Variants in ADAMTSL1 observed in about 807,000 individuals in gnomAD.
ADAMTSL1 encodes the protein ADAMTS like 1.
In ADAMTSL1, 126 loss-of-function variants were observed where a neutral mutation model predicts 201.8. The observed-to-expected ratio is 0.62, with a 90% CI of 0.54 to 0.72. The LOEUF (loss-of-function observed/expected upper bound fraction) is 0.72. Among genes scored for constraint, ADAMTSL1 ranks in the 30% least tolerant of loss-of-function variants. ADAMTSL1 has a pLI of 0.00. For missense variants in ADAMTSL1, 2,679 were observed against 2,277.8 expected (o/e 1.18, Z -3.59); for synonymous variants, 1,121 against 903.4 (o/e 1.24, Z -4.32).
rs1823914671 is a variant in ADAMTSL1, at chr9:18,817,172, T to C, written c.3869T>C (p.Val1290Ala). The change falls in exon 21 of 29, where the codon GTC (valine) becomes GCC (alanine). Residue 1290 changes from valine (V) to alanine (A), a missense_variant. Coordinates refer to ENST00000380548, the MANE Select transcript of ADAMTSL1 (RefSeq NM_001040272.6). ...VINTEKPAVTVDIGSTIKTVQ... is the reference protein window; with the variant it reads ...VINTEKPAVTADIGSTIKTVQ... ...AACACGGAGAAGCCTGCAGTCACAG[T>C]CGATATAGGAAGCACCATCAAAACA... 1 of 1,589,168 alleles carries C rather than the reference T, an allele frequency of 6.3e-7. No homozygotes were observed. The highest frequency in any genetic ancestry group is 8.6e-7 in the Non-Finnish European group (1 of 1,167,154).
intron 1 of ADAMTSL1, among the ~76,000 whole-genome samples, chr9:18,494,339 G>C (rs957926261): frequency 8.8e-5 from 13 of 147,200 alleles, no homozygotes; most frequent in African/African-American, 3.0e-4. Context: ...CTGGGTGACA[G>C]ACTGTCTCAA....
At position 18,747,217 on chromosome 9, in the gene ADAMTSL1, T is replaced by C. The variant is rs965234039; in HGVS notation, c.2007-6081T>C. ...TGCTGATTCTCTTGTTTACGAGCTG[T>C]GTGACTTTGGACAGGTTACCTAACC... On this transcript the variant is annotated intron_variant, in intron 15 of 28. Coordinates refer to ENST00000380548, the MANE Select transcript of ADAMTSL1 (RefSeq NM_001040272.6). Among the ~76,000 whole-genome samples, 29 of 152,236 alleles carry C rather than the reference T, an allele frequency of 1.9e-4. 1 individual carries two copies. Among genetic ancestry groups the C allele is most frequent in the South Asian group, 2.1e-4 (1 of 4,836 alleles).
At chr9:18,103,356 G>A (rs940609381) in intron 1 of ADAMTSL1, among the ~76,000 whole-genome samples, 44 of 152,200 alleles carry the variant, frequency 2.9e-4, no homozygotes, top group African/African-American at 9.6e-4. Flanking sequence ...GTTAGAATCA[G>A]GGTTAGATAC....
At chr9:18,822,066 T>G (rs908252392) in intron 21 of ADAMTSL1, among the ~76,000 whole-genome samples, 1 of 152,082 alleles carries the variant, frequency 6.6e-6, no homozygotes, top group Non-Finnish European at 1.5e-5. Flanking sequence ...CAGGGGAAAA[T>G]GCAAACGTGG....
At chr9:18,506,998 C>T (rs557044599) in intron 2 of ADAMTSL1, among the ~76,000 whole-genome samples, 1 of 152,292 alleles carries the variant, frequency 6.6e-6, no homozygotes, top group South Asian at 2.1e-4. Context: ...AAATTCTAGT[C>T]ATTCTTTAGC....
At chr9:18,053,317 A>T (rs757679825) in intron 1 of ADAMTSL1, among the ~76,000 whole-genome samples, 8 of 152,130 alleles carry the variant, frequency 5.3e-5, no homozygotes, top group Non-Finnish European at 1.0e-4. Context: ...CATACCTGTC[A>T]TTACTCATTA....
chr9:18,214,697 T>C (rs915212696), intron 2 of ADAMTSL1, among the ~76,000 whole-genome samples: 14 of 152,200 alleles, frequency 9.2e-5, no homozygotes, highest in African/African-American at 3.1e-4. Context: ...TTACAAAAGT[T>C]TTATTTCATA....
At chr9:17,967,315 T>C (rs188695791) in intron 1 of ADAMTSL1, among the ~76,000 whole-genome samples, 37 of 152,244 alleles carry the variant, frequency 2.4e-4, no homozygotes, top group Admixed American at 2.2e-3. Flanking sequence ...TGCCACATTA[T>C]TTATTATTTT....
intron 19 of ADAMTSL1, among the ~76,000 whole-genome samples, chr9:18,786,563 C>T (rs72690557): frequency 0.16 from 24,999 of 152,178 alleles, 2,187 homozygotes; most frequent in Non-Finnish European, 0.2. Flanking sequence ...ATGTCTGTAA[C>T]GTGCCTGACA....
intron 3 of ADAMTSL1, among the ~76,000 whole-genome samples, chr9:18,539,284 C>T (rs1253557125): frequency 6.6e-6 from 1 of 152,146 alleles, no homozygotes; most frequent in East Asian, 1.9e-4. Context: ...AGGCAGCCTG[C>T]CCTTGGGGGA....
At chr9:18,031,771 G>T (rs555356043) in intron 1 of ADAMTSL1, among the ~76,000 whole-genome samples, 1 of 152,286 alleles carries the variant, frequency 6.6e-6, no homozygotes, top group African/African-American at 2.4e-5. Flanking sequence ...GGGGTGGCCT[G>T]AGCCAAAGGT....
intron 1 of ADAMTSL1, among the ~76,000 whole-genome samples, chr9:17,916,942 C>T (rs1826118946): frequency 6.6e-6 from 1 of 152,046 alleles, no homozygotes; most frequent in African/African-American, 2.4e-5. Context: ...GTCTTCTAAA[C>T]AGTATTTGGT....
intron 20 of ADAMTSL1, among the ~76,000 whole-genome samples, chr9:18,816,720 C>CTTTTTTTTTTTTTT (rs751791974): frequency 2.5e-5 from 1 of 39,752 alleles, no homozygotes; most frequent in Non-Finnish European, 4.4e-5. Flanking sequence ...AACCCTTGGT[C>CTTTTTTTTTTTTTT]TTTTTTTTTT....
chr9:18,353,860 G>A (rs1836087153), intron 2 of ADAMTSL1, among the ~76,000 whole-genome samples: 1 of 151,926 alleles, frequency 6.6e-6, no homozygotes, highest in Admixed American at 6.6e-5. Context: ...GATTACAAAA[G>A]TAATACATAC....
chr9:17,909,378 A>G (rs1218504430), intron 1 of ADAMTSL1, among the ~76,000 whole-genome samples: 17 of 146,336 alleles, frequency 1.2e-4, no homozygotes, highest in Admixed American at 2.1e-4. Context: ...TTGGTGTTTT[A>G]TACATGAAGT....
intron 14 of ADAMTSL1, among the ~76,000 whole-genome samples, chr9:18,717,600 C>G (rs1833032204): frequency 6.6e-6 from 1 of 152,166 alleles, no homozygotes. Context: ...AATAGTGGTG[C>G]TTTTAGGATT....
chr9:18,583,231 A>G (rs1001051429), intron 4 of ADAMTSL1, among the ~76,000 whole-genome samples: 1 of 152,122 alleles, frequency 6.6e-6, no homozygotes, highest in South Asian at 2.1e-4. Flanking sequence ...TGCTGTGTGC[A>G]CCCTAGGGAC....
chr9:17,917,279 C>T (rs1169093012), intron 1 of ADAMTSL1, among the ~76,000 whole-genome samples: 1 of 152,052 alleles, frequency 6.6e-6, no homozygotes, highest in Non-Finnish European at 1.5e-5. Context: ...TTCGAACCTC[C>T]AGTACAAGGT....
At chr9:18,874,631 T>A (rs982503259) in intron 23 of ADAMTSL1, among the ~76,000 whole-genome samples, 1 of 152,206 alleles carries the variant, frequency 6.6e-6, no homozygotes, top group Admixed American at 6.5e-5. Flanking sequence ...GAAACTTAAT[T>A]GATCAAGGTG....
Sources: allele counts gnomAD v4.1 joint callset (sites outside exome capture counted in the v4.1 genomes callset), GRCh38; gene constraint gnomAD v4.1.1; transcripts MANE v1.5; gene names NCBI Gene and HGNC (gene_info 2026-07-23, HGNC 2026-07-21).